GNE: variants seen among roughly 807,000 people sequenced by gnomAD.
The protein encoded by GNE is glucosamine (UDP-N-acetyl)-2-epimerase/N-acetylmannosamine kinase, also known as bifunctional UDP-N-acetylglucosamine 2-epimerase/N-acetylmannosamine kinase.
In GNE, 41 loss-of-function variants were observed where a neutral mutation model predicts 61.8. The observed-to-expected ratio is 0.66, with a 90% CI of 0.52 to 0.86. The LOEUF (loss-of-function observed/expected upper bound fraction) is 0.86, where lower values mean the gene tolerates loss of function less well. Among genes scored for constraint, GNE ranks in the 40% least tolerant of loss-of-function variants. GNE has a pLI of 0.00. For missense variants in GNE, 608 were observed against 909.1 expected, an observed-to-expected ratio of 0.67 and a Z score of 4.26; for synonymous variants, 264 against 326.4, an observed-to-expected ratio of 0.81 and a Z score of 2.06.
intron 7 of GNE, among the ~76,000 whole-genome samples, chr9:36,223,912 C>T (rs553583206): frequency 7.2e-5 from 11 of 152,068 alleles, no homozygotes; most frequent in East Asian, 3.9e-4. Flanking sequence ...CCACCACGCC[C>T]GGCTAATTTT....
In GNE at chr9:36,217,151, C is replaced by T. The variant is rs1298504870; in HGVS notation, c.*214G>A. The T allele has an allele frequency of 3.4e-6, 2 of 584,844 alleles. No individual in the cohort carries two copies. Among genetic ancestry groups the T allele is most frequent in the Non-Finnish European group, 6.1e-6 (2 of 326,942 alleles). 36.2% of individuals were successfully genotyped at this position (584,844 alleles called of 1,614,324 possible). A position where few individuals can be genotyped will look rare whatever the true frequency, so the allele number is the denominator to read the frequency against. ...TACAGGGTTTGAGCTAAAATGACCC[C>T]TAGTAAGAAGACATCAGAAAGAATA... On this transcript the variant is annotated 3_prime_UTR_variant, in exon 12 of 12. Transcript: ENST00000642385.
intron 3 of GNE, among the ~76,000 whole-genome samples, chr9:36,243,124 A>G (rs1234532198): frequency 6.6e-6 from 1 of 151,980 alleles, no homozygotes; most frequent in African/African-American, 2.4e-5. Flanking sequence ...GGCTCACTTC[A>G]GTCTTGAACT....
chr9:36,239,387 G>A lies in GNE; in HGVS notation c.617-2403C>T, dbSNP rs200563392. 3.9e-5 allele frequency among the ~76,000 whole-genome samples: 6 copies of A among 152,066 alleles called. No individual in the cohort carries two copies. In the East Asian group the frequency reaches 1.2e-3, roughly 29 times the overall value. The stretch of plus-strand genomic sequence containing the variant: ...GTATGGGATGTGTTTCGCAGTATCA[G>A]CTCTACCCATCCATGAGCATGGGAT... On this transcript the variant is annotated intron_variant, in intron 3 of 11. Transcript: ENST00000642385.
chr9:36,275,499 A>AT (rs1389117777), intron 1 of GNE, among the ~76,000 whole-genome samples: 1 of 152,218 alleles, frequency 6.6e-6, no homozygotes, highest in Non-Finnish European at 1.5e-5. Context: ...CTTAAAGGCC[A>AT]TATAGAGTAT....
chr9:36,276,778 T>G, intron 1 of GNE: 1 of 791,408 alleles, frequency 1.3e-6, no homozygotes, highest in Non-Finnish European at 2.1e-6. Context: ...AAATGATGGA[T>G]TTGATAGATT....
chr9:36,256,814 T>C (rs7024003), intron 1 of GNE, among the ~76,000 whole-genome samples: 116,306 of 152,128 alleles, frequency 0.76, 44,966 homozygotes, highest in Non-Finnish European at 0.8. Context: ...TTTCTTCACA[T>C]GTATTAACTC....
At chr9:36,263,508 T>C (rs932390579) in intron 1 of GNE, 1 of 154,274 alleles carries the variant, frequency 6.5e-6, no homozygotes, top group African/African-American at 2.4e-5. Flanking sequence ...TAGTTAAGAG[T>C]TCACATAACT....
intron 7 of GNE, among the ~76,000 whole-genome samples, chr9:36,224,012 A>T (rs544546290): frequency 2.6e-5 from 4 of 151,352 alleles, no homozygotes; most frequent in African/African-American, 9.7e-5. Flanking sequence ...TCGGCCTCCC[A>T]AAGTGCTGGG....
At chr9:36,268,388 G>A (rs1415501932) in intron 1 of GNE, among the ~76,000 whole-genome samples, 5 of 152,140 alleles carry the variant, frequency 3.3e-5, no homozygotes, top group African/African-American at 7.2e-5. Context: ...GTGGGAAGCT[G>A]GGTGTGGTGG....
chr9:36,249,433 T>C, intron 1 of GNE, 36 bp from the exon 2 acceptor site: 1 of 1,382,952 alleles, frequency 7.2e-7, no homozygotes, highest in Non-Finnish European at 1.0e-6. Flanking sequence ...ATAATCAGAA[T>C]AACTCCTAGA....
intron 1 of GNE, among the ~76,000 whole-genome samples, chr9:36,272,615 C>T (rs771270940): frequency 1.4e-4 from 12 of 86,916 alleles, no homozygotes; most frequent in Non-Finnish European, 2.4e-4. Flanking sequence ...AGCGAGACTC[C>T]GCCTCAAAAA....
intron 1 of GNE, among the ~76,000 whole-genome samples, chr9:36,274,868 A>G (rs10972823): frequency 0.34 from 52,130 of 151,760 alleles, 10,113 homozygotes; most frequent in Non-Finnish European, 0.44. Context: ...GACTACAGGC[A>G]CCCGCCATCA....
At chr9:36,238,400 G>T (rs151302581) in intron 3 of GNE, among the ~76,000 whole-genome samples, 1 of 152,288 alleles carries the variant, frequency 6.6e-6, no homozygotes, top group Non-Finnish European at 1.5e-5. Flanking sequence ...CCACATCCAC[G>T]CCAGCATCTA....
At chr9:36,236,462 A>G (rs2133076629) in intron 4 of GNE, among the ~76,000 whole-genome samples, 1 of 152,264 alleles carries the variant, frequency 6.6e-6, no homozygotes, top group Admixed American at 6.5e-5. Context: ...GGCCTCCCAA[A>G]GTGCTGGGAT....
chr9:36,276,822 T>A, intron 1 of GNE: 1 of 1,142,552 alleles, frequency 8.8e-7, no homozygotes, highest in Non-Finnish European at 1.3e-6. Context: ...TCTTTGTAAT[T>A]TTCCTTTTTC....
At chr9:36,222,639 G>T (rs903611781) in intron 9 of GNE, 138 bp downstream of exon 9, 3 of 778,646 alleles carry the variant, frequency 3.9e-6, no homozygotes, top group Non-Finnish European at 7.1e-6. Flanking sequence ...CTCAGAAAAG[G>T]CCACATGTGG....
chr9:36,216,555 G>C lies in GNE; in HGVS notation c.*810C>G, dbSNP rs1326461070. ...TCACCATGTTGGCCAGGCTGGTCTT[G>C]AACTCCTGACCTCAGGTGATCCGCC... On this transcript the variant is annotated 3_prime_UTR_variant, in exon 12 of 12. Coordinates refer to ENST00000642385, the MANE Select transcript of GNE (RefSeq NM_005476.7). 1 of 183,776 alleles carries C rather than the reference G, an allele frequency of 5.4e-6. No homozygotes were observed. Among genetic ancestry groups the C allele is most frequent in the African/African-American group, 2.4e-5 (1 of 42,212 alleles). 11.4% of individuals were successfully genotyped at this position (183,776 alleles called of 1,614,324 possible).
Position 36,218,318 on chromosome 9 carries a change from A to G in GNE, c.1817-19T>C. Reference sequence around the variant, plus strand: ...AGGTCCTCTGAACAGAGTGAGAAGGAAAAGCAGTCACTAATGAGCTGTGGG... The same window carrying G: ...AGGTCCTCTGAACAGAGTGAGAAGGGAAAGCAGTCACTAATGAGCTGTGGG... On this transcript the variant is annotated intron_variant, in intron 10 of 11. Transcript: ENST00000642385. This position sits in a 1 kb window ranked among gnomAD's most constrained non-coding sequence, Gnocchi z 4.1. The G allele has an allele frequency of 6.4e-7, 1 of 1,574,158 alleles. No individual in the cohort carries two copies. The highest frequency in any genetic ancestry group is 8.7e-7 in the Non-Finnish European group (1 of 1,143,578).
At chr9:36,248,907 T>C (rs1310885229) in intron 2 of GNE, among the ~76,000 whole-genome samples, 6 of 152,198 alleles carry the variant, frequency 3.9e-5, no homozygotes, top group Non-Finnish European at 8.8e-5. Context: ...TAACAAACAG[T>C]AATATTATTT....
Sources: allele counts gnomAD v4.1 joint callset (sites outside exome capture counted in the v4.1 genomes callset), GRCh38; gene constraint gnomAD v4.1.1; non-coding constraint Gnocchi (gnomAD v3.1); transcripts MANE v1.5; gene names NCBI Gene and HGNC (gene_info 2026-07-23, HGNC 2026-07-21).